The following SLX4 variants were observed in gnomAD, a reference collection of about 807,000 sequenced individuals.
SLX4 encodes the protein SLX4 structure-specific endonuclease subunit.
Under a neutral mutation model 146.2 loss-of-function variants are expected in SLX4, and 112 were observed. The observed-to-expected ratio is 0.77, with a 90% CI of 0.66 to 0.90. SLX4 has a LOEUF of 0.90. SLX4 is among the 40% of genes least tolerant of loss of function. The pLI is 0.00. For synonymous variants in SLX4, 1,061 were observed against 997.7 expected, an observed-to-expected ratio of 1.06 and a Z score of -1.20; for missense variants, 2,563 against 2,392.7, an observed-to-expected ratio of 1.07 and a Z score of -1.49.
rs1394177026 is a variant in SLX4, at chr16:3,589,656, C to T, written c.3982G>A (p.Val1328Ile). 16 of 1,613,842 alleles carry T rather than the reference C, an allele frequency of 9.9e-6. No homozygotes were observed. The highest frequency in any genetic ancestry group is 5.3e-5 in the African/African-American group (4 of 74,900). The change falls in exon 12 of 15, where the codon GTC (valine) becomes ATC (isoleucine). Residue 1328 changes from valine to isoleucine, a missense_variant. Transcript: ENST00000294008. This position sits in a 1 kb window ranked among gnomAD's most constrained non-coding sequence, Gnocchi z 6.2. ...PQTPSSCLTP[V>I]SPGTSDGRRQ... ...CTGCCGTCAGAAGTTCCTGGAGAGA[C>T]GGGAGTGAGGCATGAGGACGGTGTC... is the stretch of plus-strand genomic sequence containing the variant.
Position 3,596,170 on chromosome 16 carries a change from C to A in SLX4, c.1907G>T (p.Gly636Val). The A allele has an allele frequency of 2.6e-6, 4 of 1,551,528 alleles. No homozygotes were observed. The highest frequency in any genetic ancestry group is 3.5e-6 in the Non-Finnish European group (4 of 1,150,222). The change falls in exon 8 of 15, where the codon GGC becomes GTC. Residue 636 changes from glycine (G) to valine (V), a missense_variant. Gly to Val is a moderately radical substitution (Grantham distance 109, BLOSUM62 -3). Transcript: ENST00000294008. The stretch of plus-strand genomic sequence containing the variant: ...CATCTCACCTGCAGTCCCTTCCGAG[C>A]CAGCCAGGCCCCCACTGCCGGGCCA... ...SPWPGSGGLAGSEGTAGLDVV... is the reference protein window; with the variant it reads ...SPWPGSGGLAVSEGTAGLDVV...
rs777299783 is a variant in SLX4 at position 3,591,197 on chromosome 16, T to C, written c.2441A>G (p.Asn814Ser). Residue 814 changes from asparagine to serine, a missense_variant, in exon 12 of 15, where the codon AAT becomes AGT. Coordinates refer to ENST00000294008, the MANE Select transcript of SLX4 (RefSeq NM_032444.4). ...EAENCESRAE[N>S]FQELLRSMWA... ...CATTGACCTCAAGAGTTCCTGGAAATTCTCGGCCCTGCTTTCGCAATTCTC... is the reference window on the plus strand; with the variant it reads ...CATTGACCTCAAGAGTTCCTGGAAACTCTCGGCCCTGCTTTCGCAATTCTC... 4 of 1,614,158 alleles carry C rather than the reference T, an allele frequency of 2.5e-6. No individual in the cohort carries two copies. Among genetic ancestry groups the C allele is most frequent in the Non-Finnish European group, 3.4e-6 (4 of 1,180,038 alleles).
Position 3,583,471 on chromosome 16 carries a change from C to T in SLX4, c.4779G>A (p.Leu1593=). 1 of 1,614,200 alleles carries T rather than the reference C, an allele frequency of 6.2e-7. No homozygotes were observed. Among genetic ancestry groups the T allele is most frequent in the Non-Finnish European group, 8.5e-7 (1 of 1,180,050 alleles). ...VRPLPKRQMV[L]KLKEIFQYTH... is the part of the protein sequence containing the mutation. ...TGTACTGGAATATCTCCTTCAGCTT[C>T]AGAACCATCTGGCGTTTAGGCAGAG... is the stretch of plus-strand genomic sequence containing the variant. The change falls in exon 14 of 15, where the codon CTG becomes CTA. Residue 1593 remains leucine (L), a synonymous_variant. Transcript: ENST00000294008.
chr16:3,604,819 C>CA (rs35214951), intron 3 of SLX4, among the ~76,000 whole-genome samples: 29,306 of 105,664 alleles, frequency 0.28, 3,349 homozygotes, highest in East Asian at 0.38. Flanking sequence ...GACTCCATCT[C>CA]AAAAAAAAAA....
rs2151124866 is a variant in SLX4 at position 3,590,754 on chromosome 16, A to G, written c.2884T>C (p.Ser962Pro). 6.2e-7 allele frequency: 1 copy of G among 1,614,024 alleles called. No individual in the cohort carries two copies. The highest frequency in any genetic ancestry group is 8.5e-7 in the Non-Finnish European group (1 of 1,180,014). The change falls in exon 12 of 15, where the codon TCC (serine) becomes CCC (proline). Residue 962 changes from serine (S) to proline (P), a missense_variant. Transcript: ENST00000294008. This position sits in a 1 kb window ranked among gnomAD's most constrained non-coding sequence, Gnocchi z 4.8. ...TTTCTCTCTGCCTGGCAGTCCCTGG[A>G]AGGGCTGGAGCAGCTGGAATGGCCA... ...ALGHSSCSSP[S>P]RDCQAERKEG...
intron 7 of SLX4, 74 bp from the exon 8 acceptor site, chr16:3,596,467 G>C: frequency 6.7e-7 from 1 of 1,492,510 alleles, no homozygotes; most frequent in Non-Finnish European, 9.0e-7. Context: ...GCCATCACAT[G>C]TGGTATGCAC....
At chr16:3,610,990 C>G (rs1485640048) in intron 1 of SLX4, among the ~76,000 whole-genome samples, 1 of 151,402 alleles carries the variant, frequency 6.6e-6, no homozygotes, top group East Asian at 1.9e-4. Flanking sequence ...ATCTCCGCAT[C>G]TCTGTTGATA....
intron 12 of SLX4, among the ~76,000 whole-genome samples, chr16:3,585,374 C>T (rs774656180): frequency 4.6e-5 from 7 of 152,100 alleles, no homozygotes; most frequent in Non-Finnish European, 1.0e-4. Context: ...ATCACGAGGT[C>T]AGGAGATCGA....
rs527733303 is a variant in SLX4 at position 3,589,042 on chromosome 16, G to T, written c.4596C>A (p.Ser1532Arg). The part of the protein sequence containing the change: ...PETPPPAQMP[S>R]AGGAQKPEGL... Reference sequence around the variant, plus strand: ...CTTCGGGCTTCTGAGCTCCACCAGCGCTTGGCATCTGGGCCGGAGGAGGGG... The same window carrying T: ...CTTCGGGCTTCTGAGCTCCACCAGCTCTTGGCATCTGGGCCGGAGGAGGGG... Residue 1532 changes from serine to arginine, a missense_variant, in exon 12 of 15, where the codon AGC becomes AGA. By Grantham distance (110) the Ser-to-Arg change is moderately radical. Coordinates refer to ENST00000294008, the MANE Select transcript of SLX4 (RefSeq NM_032444.4). This position sits in a 1 kb window ranked among gnomAD's most constrained non-coding sequence, Gnocchi z 6.2. 4 of 1,614,008 alleles carry T rather than the reference G, an allele frequency of 2.5e-6. No homozygotes were observed. The highest frequency in any genetic ancestry group is 3.4e-6 in the Non-Finnish European group (4 of 1,180,046).
At chr16:3,606,803 CTA>C in intron 2 of SLX4, 105 bp from the exon 3 acceptor site, 1 of 1,245,558 alleles carries the variant, frequency 8.0e-7, no homozygotes, top group Admixed American at 1.9e-5. Context: ...CCTTTATCAA[CTA>C]GTTTAGGTTT....
At chr16:3,608,406 CT>C in intron 2 of SLX4, 23 bp downstream of exon 2, 1 of 1,614,044 alleles carries the variant, frequency 6.2e-7, no homozygotes, top group East Asian at 2.2e-5. Context: ...TTTCCAGCCC[CT>C]GGTTTAAAAG....
Position 3,597,974 on chromosome 16 carries a change from T to C in SLX4, c.1189A>G (p.Lys397Glu), listed in dbSNP as rs202204661. The C allele has an allele frequency of 6.2e-6, 10 of 1,614,178 alleles. No individual in the cohort carries two copies. The Admixed American group carries it at 8.3e-5, about 13-fold the overall frequency. ...FSFSDHSRGL[K>E]RRGPTSKKEP... is the part of the protein sequence containing the mutation. ...TTCTTGCTGGTGGGTCCTCTCCGTTTCAGACCTCTACTGTGATCACTGAAG... is the reference window on the plus strand; with the variant it reads ...TTCTTGCTGGTGGGTCCTCTCCGTTCCAGACCTCTACTGTGATCACTGAAG... Residue 397 changes from lysine to glutamate, a missense_variant, in exon 6 of 15, where the codon AAA becomes GAA. By Grantham distance (56) the Lys-to-Glu change is moderately conservative (BLOSUM62 1). Coordinates refer to ENST00000294008, the MANE Select transcript of SLX4 (RefSeq NM_032444.4). The surrounding 1 kb of genome is among the most constrained non-coding windows in gnomAD (Gnocchi z 4.4).
chr16:3,583,063 G>A (rs1469350278), intron 14 of SLX4, 34 bp downstream of exon 14: 4 of 1,613,562 alleles, frequency 2.5e-6, no homozygotes, highest in African/African-American at 1.3e-5. Context: ...GAGGATACAT[G>A]AGGCCACTGA....
Position 3,589,732 on chromosome 16 carries a change from G to T in SLX4, c.3906C>A (p.Asn1302Lys). Residue 1302 changes from asparagine (N) to lysine (K), a missense_variant, in exon 12 of 15, where the codon AAC becomes AAA. Physicochemically the swap from Asn to Lys is moderately conservative, Grantham distance 94. Coordinates refer to ENST00000294008, the MANE Select transcript of SLX4 (RefSeq NM_032444.4). This position sits in a 1 kb window ranked among gnomAD's most constrained non-coding sequence, Gnocchi z 6.2. Reference protein sequence around the residue: ...PRASVGNREGNEVAQKFSVIR... With the variant: ...PRASVGNREGKEVAQKFSVIR... ...TGACAGAAAACTTCTGTGCGACTTC[G>T]TTCCCTTCCCTGTTTCCTACTGAGG... is the stretch of plus-strand genomic sequence containing the variant. 6.2e-7 allele frequency: 1 copy of T among 1,613,906 alleles called. No homozygotes were observed. Among genetic ancestry groups the T allele is most frequent in the Non-Finnish European group, 8.5e-7 (1 of 1,180,042 alleles).
rs760096901 is a variant in SLX4, at chr16:3,589,086, C to T, written c.4552G>A (p.Glu1518Lys). Residue 1518 changes from glutamate to lysine, a missense_variant, in exon 12 of 15, where the codon GAG becomes AAG. Transcript: ENST00000294008. The surrounding 1 kb of genome is among the most constrained non-coding windows in gnomAD (Gnocchi z 6.2). ...GGAGGGGTCTCTGGAGGCCTCTGCT[C>T]TTCCCCGTCCCAAACGTCCCACAGA... is the stretch of plus-strand genomic sequence containing the variant. ...SALWDVWDGE[E>K]QRPPETPPPA... 8 of 1,614,002 alleles carry T rather than the reference C, an allele frequency of 5.0e-6. No individual in the cohort carries two copies. In the East Asian group the frequency reaches 1.8e-4, roughly 36 times the overall value.
rs1488975348 is a variant in SLX4, at chr16:3,597,154, C to T, written c.1683+225G>A. ...GCATTTTCAACAAACTCCAGGAACACACTCTGGTGGACACCAAGGGTCCTC... is the reference window on the plus strand; with the variant it reads ...GCATTTTCAACAAACTCCAGGAACATACTCTGGTGGACACCAAGGGTCCTC... On this transcript the variant is annotated intron_variant, in intron 7 of 14. Transcript: ENST00000294008. The surrounding 1 kb of genome is among the most constrained non-coding windows in gnomAD (Gnocchi z 4.4). 3.3e-5 allele frequency among the ~76,000 whole-genome samples: 5 copies of T among 152,210 alleles called. No homozygotes were observed. The highest frequency in any genetic ancestry group is 2.0e-4 in the Admixed American group (3 of 15,282).
intron 14 of SLX4, 76 bp from the exon 15 acceptor site, chr16:3,582,769 A>G (rs2040455593): frequency 2.2e-6 from 3 of 1,367,350 alleles, no homozygotes; most frequent in Non-Finnish European, 3.0e-6. Flanking sequence ...CTTTAAAGGA[A>G]GGAAGGTGTC....
Position 3,583,157 on chromosome 16 carries a change from G to T in SLX4, c.5093C>A (p.Ala1698Asp), listed in dbSNP as rs967813945. The change falls in exon 14 of 15, where the codon GCC becomes GAC. Residue 1698 changes from alanine (A) to aspartate (D), a missense_variant. Physicochemically the swap from Ala to Asp is moderately radical, Grantham distance 126. Transcript: ENST00000294008. ...AGAGGTGGCCACGGATTCTTGAGAGGCTGGGATCTGGGCGTCATCATTGAG... is the reference window on the plus strand; with the variant it reads ...AGAGGTGGCCACGGATTCTTGAGAGTCTGGGATCTGGGCGTCATCATTGAG... ...PGLNDDAQIP[A>D]SQESVATSVD... 4 of 1,614,158 alleles carry T rather than the reference G, an allele frequency of 2.5e-6. No individual in the cohort carries two copies. The African/African-American group carries it at 4.0e-5, about 16-fold the overall frequency.
At position 3,596,292 on chromosome 16, in the gene SLX4, A is replaced by C; in HGVS notation, c.1785T>G (p.Cys595Trp). 1 of 1,572,800 alleles carries C rather than the reference A, an allele frequency of 6.4e-7. No individual in the cohort carries two copies. The highest frequency in any genetic ancestry group is 8.6e-7 in the Non-Finnish European group (1 of 1,159,638). Reference sequence around the variant, plus strand: ...CCGAAGGCGACGGGCCCCTGGAGCCACAGCCTGCAGTGGGGGTGCCGTGGA... The same window carrying C: ...CCGAAGGCGACGGGCCCCTGGAGCCCCAGCCTGCAGTGGGGGTGCCGTGGA... ...PALHGTPTAG[C>W]GSRGPSPSAS... is the part of the protein sequence containing the mutation. The change falls in exon 8 of 15, where the codon TGT becomes TGG. Residue 595 changes from cysteine to tryptophan, a missense_variant. Transcript: ENST00000294008.
Sources: gnomAD v4.1 joint callset for allele counts (sites outside exome capture counted in the v4.1 genomes callset) on GRCh38, gnomAD v4.1.1 for gene constraint, Gnocchi (gnomAD v3.1) non-coding constraint, MANE v1.5 for transcripts, NCBI Gene and HGNC (gene_info 2026-07-23, HGNC 2026-07-21) for gene names.